The following SHISA9 variants were observed in gnomAD, a reference collection of about 807,000 sequenced individuals.
The protein encoded by SHISA9 is shisa family member 9, also known as protein shisa-9.
A neutral mutation model predicts 38.0 loss-of-function variants in SHISA9; 13 were observed. The ratio of observed to expected loss-of-function variants is 0.34; its 90% CI spans 0.22 to 0.54. SHISA9 has a LOEUF of 0.54. Among genes scored for constraint, SHISA9 ranks in the 20% least tolerant of loss-of-function variants. SHISA9 has a pLI of 0.91. For synonymous variants in SHISA9, 275 were observed against 242.0 expected, an observed-to-expected ratio of 1.14 and a Z score of -1.27; for missense variants, 538 against 575.8, an observed-to-expected ratio of 0.93 and a Z score of 0.67.
At chr16:13,148,930 G>A (rs995803173) in intron 2 of SHISA9, among the ~76,000 whole-genome samples, 1 of 152,128 alleles carries the variant, frequency 6.6e-6, no homozygotes, top group African/African-American at 2.4e-5. Flanking sequence ...TGCTCAAGCA[G>A]CTTCTGGGAT....
the SHISA9 span, among the ~76,000 whole-genome samples, chr16:13,471,367 C>T: frequency 2.0e-4 from 31 of 152,254 alleles, no homozygotes; most frequent in African/African-American, 7.5e-4. Flanking sequence ...AGCAAACTTG[C>T]AGTCTATGTC....
the SHISA9 span, among the ~76,000 whole-genome samples, chr16:13,477,621 A>C: frequency 1.3e-5 from 2 of 152,196 alleles, no homozygotes; most frequent in Non-Finnish European, 2.9e-5. Flanking sequence ...TTCCACAAAC[A>C]AAACGAAAGT....
At chr16:12,924,146 G>C (rs1164770150) in intron 2 of SHISA9, among the ~76,000 whole-genome samples, 2 of 152,152 alleles carry the variant, frequency 1.3e-5, no homozygotes, top group Non-Finnish European at 2.9e-5. Flanking sequence ...CAGTTGAGTG[G>C]GGTGGCGTGC....
chr16:13,258,449 G>T, the SHISA9 span: 3 of 152,222 alleles, frequency 2.0e-5, 1 homozygote, highest in South Asian at 4.1e-4. Flanking sequence ...AACAGTAAGA[G>T]TTGGTTCTCT....
intron 2 of SHISA9, among the ~76,000 whole-genome samples, chr16:13,073,161 G>A (rs987094332): frequency 1.3e-5 from 2 of 151,662 alleles, no homozygotes; most frequent in Admixed American, 1.3e-4. Flanking sequence ...GCTCACACAG[G>A]TAGCAAAATG....
chr16:13,089,971 A>G (rs2073756432), intron 2 of SHISA9, among the ~76,000 whole-genome samples: 1 of 152,166 alleles, frequency 6.6e-6, no homozygotes, highest in Non-Finnish European at 1.5e-5. Context: ...ACACTGCTTC[A>G]AATGTGTCCC....
At chr16:13,303,666 T>C in the SHISA9 span, among the ~76,000 whole-genome samples, 4 of 152,222 alleles carry the variant, frequency 2.6e-5, no homozygotes, top group Non-Finnish European at 4.4e-5. Context: ...TTTAGAACTA[T>C]ACAGAGGTGG....
chr16:13,174,306 G>T (rs1410534768), intron 2 of SHISA9, among the ~76,000 whole-genome samples: 1 of 152,042 alleles, frequency 6.6e-6, no homozygotes, highest in Non-Finnish European at 1.5e-5. Context: ...GCCTTATGCT[G>T]GGCTCTGGGA....
chr16:13,481,691 T>C, the SHISA9 span, among the ~76,000 whole-genome samples: 1 of 152,114 alleles, frequency 6.6e-6, no homozygotes, highest in South Asian at 2.1e-4. Flanking sequence ...GTTGAGCAAA[T>C]GAATGAATGA....
intron 2 of SHISA9, among the ~76,000 whole-genome samples, chr16:13,095,559 A>G (rs1596644995): frequency 1.3e-5 from 2 of 152,220 alleles, no homozygotes; most frequent in African/African-American, 4.8e-5. Context: ...TCTTAGAATA[A>G]TATTTGCCAC....
intron 2 of SHISA9, among the ~76,000 whole-genome samples, chr16:13,050,422 C>G (rs1481710855): frequency 1.3e-5 from 2 of 152,170 alleles, no homozygotes; most frequent in South Asian, 4.1e-4. Flanking sequence ...ACCTCTACCT[C>G]CCAGGCTCAA....
intron 4 of SHISA9, among the ~76,000 whole-genome samples, chr16:13,230,180 C>A (rs2051317966): frequency 6.6e-6 from 1 of 152,144 alleles, no homozygotes; most frequent in Admixed American, 6.5e-5. Context: ...AGAATGTCCA[C>A]CCCAGCAGGG....
At chr16:13,311,596 G>C in the SHISA9 span, among the ~76,000 whole-genome samples, 1 of 152,114 alleles carries the variant, frequency 6.6e-6, no homozygotes, top group Non-Finnish European at 1.5e-5. Flanking sequence ...CTACCTTTGT[G>C]GATTAAGGCA....
At chr16:13,265,769 T>A in the SHISA9 span, among the ~76,000 whole-genome samples, 1 of 152,030 alleles carries the variant, frequency 6.6e-6, no homozygotes, top group Non-Finnish European at 1.5e-5. Flanking sequence ...GAGAGTTTTG[T>A]ATGGGAGACA....
chr16:13,480,947 T>C, the SHISA9 span, among the ~76,000 whole-genome samples: 1 of 152,170 alleles, frequency 6.6e-6, no homozygotes, highest in Non-Finnish European at 1.5e-5. Context: ...TCAAGCTAAT[T>C]TGTTAGAAAA....
At position 13,202,045 on chromosome 16, in the gene SHISA9, T is replaced by A. The variant is rs571556040; in HGVS notation, c.692-1349T>A. Among the ~76,000 whole-genome samples the A allele has an allele frequency of 2.3e-3, 259 of 113,284 alleles. 53 individuals carry two copies. The highest frequency in any genetic ancestry group is 9.0e-3 in the African/African-American group (243 of 27,104). 74.3% of individuals were successfully genotyped at this position (113,284 alleles called of 152,430 possible). On this transcript the variant is annotated intron_variant, in intron 2 of 4. Coordinates refer to ENST00000558583, the MANE Select transcript of SHISA9 (RefSeq NM_001145204.3). ...GTGAGCCATCATTATCTCCCAGTGA[T>A]GGGATGGATAGACAGGAGGCGAGAC...
intron 2 of SHISA9, among the ~76,000 whole-genome samples, chr16:13,071,340 C>T (rs1237580960): frequency 6.6e-6 from 1 of 152,154 alleles, no homozygotes; most frequent in African/African-American, 2.4e-5. Flanking sequence ...GTATGGTTGG[C>T]AGGCTCTCTG....
intron 2 of SHISA9, among the ~76,000 whole-genome samples, chr16:13,142,973 C>T (rs1230033068): frequency 8.6e-6 from 1 of 116,532 alleles, no homozygotes; most frequent in Non-Finnish European, 1.8e-5. Flanking sequence ...GGATGAAGAA[C>T]CTCTGTAGCT....
chr16:13,138,944 A>G (rs1041967501), intron 2 of SHISA9, among the ~76,000 whole-genome samples: 1 of 152,010 alleles, frequency 6.6e-6, no homozygotes, highest in African/African-American at 2.4e-5. Flanking sequence ...GGCTTGGAGC[A>G]TCTATTAGGA....
Sources: allele counts gnomAD v4.1 joint callset (sites outside exome capture counted in the v4.1 genomes callset), GRCh38; gene constraint gnomAD v4.1.1; transcripts MANE v1.5; gene names NCBI Gene and HGNC (gene_info 2026-07-23, HGNC 2026-07-21).